The following MS4A4E variants were observed in gnomAD, a reference collection of about 807,000 sequenced individuals.
MS4A4E encodes the protein putative membrane-spanning 4-domains subfamily A member 4E.
A neutral mutation model predicts 13.3 loss-of-function variants in MS4A4E; 23 were observed. The ratio of observed to expected loss-of-function variants is 1.73; its 90% CI spans 1.25 to 2.45. The LOEUF (loss-of-function observed/expected upper bound fraction) is 2.45, where lower values mean the gene tolerates loss of function less well. Among genes scored for constraint, MS4A4E ranks in the 30% most tolerant of loss-of-function variants. MS4A4E has a pLI of 0.00. For synonymous variants in MS4A4E, 36 were observed against 45.6 expected, an observed-to-expected ratio of 0.79 and a Z score of 0.85; for missense variants, 144 against 131.2, an observed-to-expected ratio of 1.10 and a Z score of -0.48.
At chr11:60,242,261 C>G (rs1474526705) in intron 1 of MS4A4E, among the ~76,000 whole-genome samples, 1 of 152,190 alleles carries the variant, frequency 6.6e-6, no homozygotes, top group Non-Finnish European at 1.5e-5. Context: ...TTTCCCTTTT[C>G]TGGATTTCAT....
intron 6 of MS4A4E, among the ~76,000 whole-genome samples, chr11:60,207,381 A>T (rs2084061697): frequency 6.6e-6 from 1 of 152,224 alleles, no homozygotes; most frequent in South Asian, 2.1e-4. Context: ...ATGACATGAA[A>T]GTTACTTCAC....
At chr11:60,233,204 A>T (rs1259099609) in intron 1 of MS4A4E, among the ~76,000 whole-genome samples, 2 of 152,104 alleles carry the variant, frequency 1.3e-5, no homozygotes, top group African/African-American at 4.8e-5. Context: ...ACAGCCTGGG[A>T]TATTGCCATG....
chr11:60,209,928 G>A (rs604085), intron 5 of MS4A4E, among the ~76,000 whole-genome samples: 63,523 of 152,096 alleles, frequency 0.42, 13,664 homozygotes, highest in Admixed American at 0.42. Context: ...TTCAACAGCT[G>A]TAGCGGCCTC....
chr11:60,217,829 A>G (rs545928259), intron 3 of MS4A4E, among the ~76,000 whole-genome samples: 3 of 152,260 alleles, frequency 2.0e-5, no homozygotes, highest in African/African-American at 7.2e-5. Flanking sequence ...ACCCTGTAAT[A>G]ATTGCATTAA....
At chr11:60,231,873 C>T (rs980975616) in intron 1 of MS4A4E, among the ~76,000 whole-genome samples, 20 of 152,148 alleles carry the variant, frequency 1.3e-4, no homozygotes, top group Admixed American at 1.2e-3. Flanking sequence ...CAAGAAGTCC[C>T]ACAGATTAGG....
intron 3 of MS4A4E, among the ~76,000 whole-genome samples, chr11:60,215,946 C>T (rs2084186448): frequency 6.6e-6 from 1 of 151,780 alleles, no homozygotes; most frequent in Non-Finnish European, 1.5e-5. Flanking sequence ...TTTCATTTAC[C>T]ACAGGAAAAA....
At chr11:60,227,273 C>A (rs140886147) in intron 3 of MS4A4E, among the ~76,000 whole-genome samples, 1 of 152,058 alleles carries the variant, frequency 6.6e-6, no homozygotes, top group African/African-American at 2.4e-5. Context: ...AGCAAATGGC[C>A]GGGCGTGGTG....
intron 1 of MS4A4E, among the ~76,000 whole-genome samples, chr11:60,231,613 A>C (rs1459647036): frequency 6.6e-6 from 1 of 152,202 alleles, no homozygotes; most frequent in Non-Finnish European, 1.5e-5. Context: ...CACAGATTTC[A>C]GATTATACTT....
chr11:60,203,825 C>T (rs568088520), intron 8 of MS4A4E, among the ~76,000 whole-genome samples: 33 of 152,230 alleles, frequency 2.2e-4, no homozygotes, highest in African/African-American at 7.2e-4. Context: ...TTTTCATGGA[C>T]GTTTTCCTAC....
chr11:60,221,590 G>A (rs184530080), intron 3 of MS4A4E, among the ~76,000 whole-genome samples: 12 of 152,346 alleles, frequency 7.9e-5, no homozygotes, highest in South Asian at 2.1e-4. Context: ...AAGGAAAATC[G>A]TCCCAGTGGG....
At chr11:60,228,542 TTCTTACAAAACTAAACATAC>T in intron 3 of MS4A4E, 32 bp downstream of exon 3, 1 of 639,304 alleles carries the variant, frequency 1.6e-6, no homozygotes, top group South Asian at 1.9e-5. Context: ...GTTTGGCAGT[TTCTTACAAAACTAAACATAC>T]TCTTACAATA....
At chr11:60,214,464 C>T in intron 4 of MS4A4E, 107 bp downstream of exon 4, 1 of 685,354 alleles carries the variant, frequency 1.5e-6, no homozygotes, top group Non-Finnish European at 2.2e-6. Context: ...TGCATAGTTG[C>T]TCCTGACTTT....
chr11:60,216,668 G>C (rs1200881579), intron 3 of MS4A4E, among the ~76,000 whole-genome samples: 1 of 151,774 alleles, frequency 6.6e-6, no homozygotes, highest in Non-Finnish European at 1.5e-5. Flanking sequence ...AGATGGAACA[G>C]TGTTTGCTGT....
chr11:60,206,512 T>TATATGTATATATATATAC lies in MS4A4E; in HGVS notation c.484-693_484-692insGTATATATATATACATAT, dbSNP rs141037502. 1.9e-4 allele frequency among the ~76,000 whole-genome samples: 19 copies of TATATGTATATATATATAC among 98,342 alleles called. 1 individual carries two copies. The highest frequency in any genetic ancestry group is 8.3e-4 in the Admixed American group (8 of 9,620). 64.5% of individuals were successfully genotyped at this position (98,342 alleles called of 152,430 possible). The stretch of plus-strand genomic sequence containing the variant: ...ATGTATATATATACGTATATATATA[T>TATATGTATATATATATAC]ACACACACACACACACAGAGGTCAT... On this transcript the variant is annotated intron_variant, in intron 6 of 8. Transcript: ENST00000651255.
At chr11:60,239,863 C>A (rs556820735) in intron 1 of MS4A4E, among the ~76,000 whole-genome samples, 138 of 152,290 alleles carry the variant, frequency 9.1e-4, no homozygotes, top group African/African-American at 3.2e-3. Flanking sequence ...TATTTTTGGT[C>A]TTAAACTGAA....
rs2083995738 is a variant in MS4A4E at position 60,201,973 on chromosome 11, A to G, written c.660-94T>C. ...ATAGTTAGAAGTTATCAGTAATATC[A>G]CCTTATATACTCAAGACCTTATGAC... is the stretch of plus-strand genomic sequence containing the variant. On this transcript the variant is annotated intron_variant, in intron 8 of 8. Transcript: ENST00000651255. The G allele has an allele frequency of 3.9e-5, 6 of 154,944 alleles. No individual in the cohort carries two copies. In the Admixed American group the frequency reaches 3.9e-4, roughly 10 times the overall value. 9.6% of individuals were successfully genotyped at this position (154,944 alleles called of 1,614,324 possible).
At chr11:60,206,334 C>T (rs2134913672) in intron 6 of MS4A4E, among the ~76,000 whole-genome samples, 1 of 151,216 alleles carries the variant, frequency 6.6e-6, no homozygotes, top group Middle Eastern at 3.4e-3. Flanking sequence ...TGAATGAAAA[C>T]CTTTCAAGTG....
intron 1 of MS4A4E, among the ~76,000 whole-genome samples, chr11:60,241,639 G>A (rs2084553246): frequency 6.6e-6 from 1 of 152,132 alleles, no homozygotes; most frequent in East Asian, 1.9e-4. Context: ...TTACACCACA[G>A]AAATCCATGT....
chr11:60,210,260 G>A (rs574765598), intron 5 of MS4A4E, among the ~76,000 whole-genome samples: 3 of 152,354 alleles, frequency 2.0e-5, no homozygotes, highest in African/African-American at 7.2e-5. Flanking sequence ...CCTGTGGACT[G>A]ATTGTGCAGG....
Sources: allele counts gnomAD v4.1 joint callset (sites outside exome capture counted in the v4.1 genomes callset), GRCh38; gene constraint gnomAD v4.1.1; transcripts MANE v1.5; gene names NCBI Gene and HGNC (gene_info 2026-07-23, HGNC 2026-07-21).